Variants in ANKRD30A observed in about 807,000 individuals in gnomAD.
ANKRD30A encodes the protein ankyrin repeat domain-containing protein 30A.
Under a neutral mutation model 166.3 loss-of-function variants are expected in ANKRD30A, and 170 were observed. That is an observed-to-expected ratio of 1.02 (90% confidence interval 0.90 to 1.16). The LOEUF is 1.16. Ranked by LOEUF, ANKRD30A falls within the 50% of genes most tolerant of loss-of-function variation. The probability of loss-of-function intolerance (pLI) is 0.00; values close to 1 mark genes in which losing one functional copy is unlikely to be tolerated. For synonymous variants in ANKRD30A, 564 were observed against 508.9 expected (o/e 1.11, Z -1.46); for missense variants, 1,630 against 1,518.0 (o/e 1.07, Z -1.23).
At chr10:37,147,919 C>T (rs1231393222) in intron 9 of ANKRD30A, among the ~76,000 whole-genome samples, 1 of 152,172 alleles carries the variant, frequency 6.6e-6, no homozygotes, top group African/African-American at 2.4e-5. Context: ...AAAGTTTTCT[C>T]ACTTTTCCTG....
At chr10:37,158,282 G>A (rs372895547) in intron 13 of ANKRD30A, 110 bp from the exon 14 acceptor site, 161 of 1,459,076 alleles carry the variant, frequency 1.1e-4, no homozygotes, top group Middle Eastern at 2.5e-4. Context: ...AGTGTAATCC[G>A]TTTTGCAATC....
chr10:37,192,907 G>T (rs1414040820), intron 25 of ANKRD30A, among the ~76,000 whole-genome samples, 157 bp from the exon 26 acceptor site: 2 of 152,066 alleles, frequency 1.3e-5, no homozygotes, highest in South Asian at 2.1e-4. Flanking sequence ...ACGTTGGCAT[G>T]ATAACAAATA....
chr10:37,240,361 G>A, the ANKRD30A span, among the ~76,000 whole-genome samples: 4 of 152,056 alleles, frequency 2.6e-5, no homozygotes, highest in Admixed American at 1.3e-4. Context: ...AGTGATTTAA[G>A]GCCAACAGAC....
chr10:37,193,673 G>A (rs1302461372), intron 27 of ANKRD30A, among the ~76,000 whole-genome samples: 1 of 151,950 alleles, frequency 6.6e-6, no homozygotes, highest in African/African-American at 2.4e-5. Flanking sequence ...AGAATCTTAA[G>A]AAAATCAGTT....
intron 9 of ANKRD30A, among the ~76,000 whole-genome samples, 189 bp from the exon 10 acceptor site, chr10:37,149,462 A>G (rs1290093112): frequency 6.6e-6 from 1 of 152,000 alleles, no homozygotes; most frequent in Non-Finnish European, 1.5e-5. Context: ...TGAAACCTAT[A>G]TTTATATTTT....
At chr10:37,261,208 GT>G in the ANKRD30A span, among the ~76,000 whole-genome samples, 1 of 152,116 alleles carries the variant, frequency 6.6e-6, no homozygotes, top group East Asian at 1.9e-4. Flanking sequence ...TGCCTTAGTG[GT>G]TGTCATATAC....
chr10:37,144,055 T>C (rs1391402846), intron 7 of ANKRD30A, among the ~76,000 whole-genome samples: 2 of 152,164 alleles, frequency 1.3e-5, no homozygotes, highest in Non-Finnish European at 2.9e-5. Flanking sequence ...GCCGTTATTT[T>C]ATTTTGATTT....
chr10:37,139,890 C>G (rs1024291161), intron 6 of ANKRD30A, among the ~76,000 whole-genome samples: 1 of 152,106 alleles, frequency 6.6e-6, no homozygotes, highest in African/African-American at 2.4e-5. Flanking sequence ...TGCTGATCCC[C>G]CATGCAGCTG....
intron 31 of ANKRD30A, among the ~76,000 whole-genome samples, chr10:37,213,220 G>A (rs1475467330): frequency 6.6e-6 from 1 of 151,816 alleles, no homozygotes; most frequent in African/African-American, 2.4e-5. Context: ...CACCATTGTG[G>A]AAGCTGCACA....
At chr10:37,190,161 C>T (rs985307262) in intron 25 of ANKRD30A, among the ~76,000 whole-genome samples, 9 of 151,850 alleles carry the variant, frequency 5.9e-5, no homozygotes, top group Admixed American at 5.9e-4. Flanking sequence ...CATATACACT[C>T]TGTATAGACC....
chr10:37,143,577 C>T (rs1373045528), intron 7 of ANKRD30A, among the ~76,000 whole-genome samples: 1 of 151,828 alleles, frequency 6.6e-6, no homozygotes, highest in Non-Finnish European at 1.5e-5. Flanking sequence ...TCACTTGAAC[C>T]CAGGAGGCAG....
chr10:37,193,745 A>G (rs1243859642), intron 27 of ANKRD30A, among the ~76,000 whole-genome samples: 1 of 152,130 alleles, frequency 6.6e-6, no homozygotes, highest in Non-Finnish European at 1.5e-5. Flanking sequence ...CAGTCAAGCA[A>G]TCATTACTTG....
chr10:37,196,832 A>C (rs1389499565), intron 27 of ANKRD30A, among the ~76,000 whole-genome samples: 1 of 152,216 alleles, frequency 6.6e-6, no homozygotes, highest in Non-Finnish European at 1.5e-5. Context: ...CAAGCTGATC[A>C]ATTCAAAACA....
chr10:37,248,181 A>G, the ANKRD30A span: 1 of 635,756 alleles, frequency 1.6e-6, no homozygotes, highest in Non-Finnish European at 3.1e-6. Context: ...TCGGGAGAGC[A>G]TGCTCAGGTT....
At position 37,130,236 on chromosome 10, in the gene ANKRD30A, A is replaced by T. The variant is rs1333466409; in HGVS notation, c.368A>T (p.Asn123Ile). The T allele has an allele frequency of 1.9e-6, 3 of 1,599,922 alleles. No homozygotes were observed. In the African/African-American group the frequency reaches 4.1e-5, roughly 22 times the overall value. Reference protein sequence around the residue: ...ALQCHQEACANILIDSGADIN... With the variant: ...ALQCHQEACAIILIDSGADIN... Reference sequence around the variant, plus strand: ...CAATGCCATCAGGAGGCTTGTGCAAATATTCTGATAGATTCTGGTGCCGAT... The same window carrying T: ...CAATGCCATCAGGAGGCTTGTGCAATTATTCTGATAGATTCTGGTGCCGAT... The change falls in exon 3 of 36, where the codon AAT becomes ATT. Residue 123 changes from asparagine to isoleucine, a missense_variant. By Grantham distance (149) the Asn-to-Ile change is moderately radical (BLOSUM62 -3). Around this residue, in one of 4 missense-constraint regions of ANKRD30A, gnomAD observed 904 missense variants for 818.5 expected, o/e 1.10. Transcript: ENST00000361713.
chr10:37,126,211 G>A (rs1249993476), intron 1 of ANKRD30A, among the ~76,000 whole-genome samples: 1 of 152,188 alleles, frequency 6.6e-6, no homozygotes, highest in Non-Finnish European at 1.5e-5. Context: ...GGTCCCTGCA[G>A]GGCGGAGGGC....
the ANKRD30A span, among the ~76,000 whole-genome samples, chr10:37,256,614 T>C: frequency 2.6e-5 from 4 of 152,342 alleles, no homozygotes; most frequent in African/African-American, 9.6e-5. Flanking sequence ...AAGAATCTTA[T>C]TCATTTTAAG....
chr10:37,221,843 A>T (rs186497961), intron 34 of ANKRD30A, among the ~76,000 whole-genome samples: 1 of 151,446 alleles, frequency 6.6e-6, no homozygotes, highest in East Asian at 2.0e-4. Context: ...ATTCCAGAAA[A>T]TTATCTTATT....
chr10:37,215,495 A>C (rs189814419), intron 31 of ANKRD30A, among the ~76,000 whole-genome samples: 1 of 151,358 alleles, frequency 6.6e-6, no homozygotes, highest in Non-Finnish European at 1.5e-5. Context: ...GTTTTACCAG[A>C]CTCTAAGCTT....
Sources: allele counts gnomAD v4.1 joint callset (sites outside exome capture counted in the v4.1 genomes callset), GRCh38; gene constraint gnomAD v4.1.1; regional missense constraint gnomAD v4.1.1; transcripts MANE v1.5; gene names NCBI Gene and HGNC (gene_info 2026-07-23, HGNC 2026-07-21).